Variants in DNAAF4 observed in about 807,000 individuals in gnomAD.
DNAAF4 encodes dynein assembly factor 4, axonemal.
A neutral mutation model predicts 51.8 loss-of-function variants in DNAAF4; 43 were observed. The observed-to-expected ratio is 0.83, with a 90% CI of 0.65 to 1.07. The LOEUF (loss-of-function observed/expected upper bound fraction) is 1.07, where lower values mean the gene tolerates loss of function less well. Ranked by LOEUF, DNAAF4 falls within the 50% of genes least tolerant of loss-of-function variation. The pLI, the probability that DNAAF4 is intolerant of heterozygous loss-of-function variation, is 0.00. For missense variants in DNAAF4, 581 were observed against 493.0 expected (o/e 1.18, Z -1.69); for synonymous variants, 194 against 165.6 (o/e 1.17, Z -1.32).
In DNAAF4 at chr15:55,498,543, T is replaced by C. The variant is rs2141605231; in HGVS notation, c.-214A>G. The C allele has an allele frequency of 2.0e-6, 1 of 491,276 alleles. No individual in the cohort carries two copies. The highest frequency in any genetic ancestry group is 4.2e-5 in the Admixed American group (1 of 23,924). The allele number at this position is 491,276 out of a possible 1,614,324, so 30.4% of individuals were successfully genotyped here. A position where few individuals can be genotyped will look rare whatever the true frequency, so the allele number is the denominator to read the frequency against. On this transcript the variant is annotated 5_prime_UTR_variant, in exon 2 of 10. Transcript: ENST00000321149. The stretch of plus-strand genomic sequence containing the variant: ...AGTGATGCCGATTCTTGGGGTTACC[T>C]TACGATCTGAGCGAATGTTCAAAGA...
intron 4 of DNAAF4, among the ~76,000 whole-genome samples, chr15:55,474,235 G>A (rs1435561113): frequency 6.6e-6 from 1 of 152,020 alleles, no homozygotes; most frequent in Non-Finnish European, 1.5e-5. Flanking sequence ...CAGCAAGGCA[G>A]TCACATATAA....
chr15:55,503,468 C>CA (rs1225100227), intron 1 of DNAAF4, among the ~76,000 whole-genome samples: 1 of 151,924 alleles, frequency 6.6e-6, no homozygotes, highest in African/African-American at 2.4e-5. Flanking sequence ...AGAAACACAA[C>CA]AAAAAAAGAT....
intron 4 of DNAAF4, among the ~76,000 whole-genome samples, chr15:55,480,898 G>C (rs1259359619): frequency 1.3e-5 from 2 of 152,158 alleles, no homozygotes; most frequent in African/African-American, 4.8e-5. Flanking sequence ...ATCCCCACGT[G>C]TCAAGGGTGG....
chr15:55,487,373 C>G (rs935163579), intron 4 of DNAAF4, among the ~76,000 whole-genome samples: 3 of 151,880 alleles, frequency 2.0e-5, no homozygotes, highest in African/African-American at 7.2e-5. Context: ...TGTAAACGCA[C>G]CAATCAGCAC....
Position 55,498,500 on chromosome 15 carries a change from C to T in DNAAF4, c.-171G>A, listed in dbSNP as rs923268282. The T allele has an allele frequency of 3.2e-5, 28 of 884,436 alleles. No individual in the cohort carries two copies. Among genetic ancestry groups the T allele is most frequent in the Non-Finnish European group, 4.1e-5 (25 of 609,910 alleles). 54.8% of individuals were successfully genotyped at this position (884,436 alleles called of 1,614,324 possible). ...CTCGCGGACTCCATGCGTGACTATCCAGGCGCCCAGACCAGAGAGTGATGC... is the reference window on the plus strand; with the variant it reads ...CTCGCGGACTCCATGCGTGACTATCTAGGCGCCCAGACCAGAGAGTGATGC... On this transcript the variant is annotated 5_prime_UTR_variant, in exon 2 of 10. Coordinates refer to ENST00000321149, the MANE Select transcript of DNAAF4 (RefSeq NM_130810.4).
At chr15:55,490,438 T>C (rs1403594111) in intron 4 of DNAAF4, among the ~76,000 whole-genome samples, 1 of 152,194 alleles carries the variant, frequency 6.6e-6, no homozygotes, top group East Asian at 1.9e-4. Context: ...AAAAAATATA[T>C]TGCTGATTAA....
intron 4 of DNAAF4, among the ~76,000 whole-genome samples, chr15:55,470,109 T>G (rs1175548650): frequency 2.0e-5 from 3 of 151,780 alleles, no homozygotes; most frequent in Non-Finnish European, 4.4e-5. Context: ...TGGAGTGCAG[T>G]GGCACGATCT....
chr15:55,501,079 T>G (rs1191199412), intron 1 of DNAAF4, among the ~76,000 whole-genome samples: 9 of 151,952 alleles, frequency 5.9e-5, no homozygotes, highest in South Asian at 4.1e-4. Flanking sequence ...TGTTGTTGTT[T>G]TTTCAGACGG....
intron 1 of DNAAF4, among the ~76,000 whole-genome samples, chr15:55,505,588 A>G (rs1306418270): frequency 3.9e-5 from 6 of 152,192 alleles, no homozygotes; most frequent in African/African-American, 1.4e-4. Context: ...ATGCAGCCAT[A>G]AAAAAGGAGG....
intron 4 of DNAAF4, among the ~76,000 whole-genome samples, chr15:55,486,040 G>A (rs373020874): frequency 4.7e-5 from 7 of 149,146 alleles, no homozygotes; most frequent in Admixed American, 2.7e-4. Context: ...CAAGATTAGC[G>A]AAGAGGAAAA....
intron 1 of DNAAF4, among the ~76,000 whole-genome samples, chr15:55,502,081 G>A (rs1257553339): frequency 2.0e-5 from 3 of 151,970 alleles, no homozygotes; most frequent in South Asian, 2.1e-4. Flanking sequence ...TCACCAAAAG[G>A]CATAATAAAG....
At chr15:55,442,819 T>A (rs757831084) in intron 6 of DNAAF4, 2 of 1,612,834 alleles carry the variant, frequency 1.2e-6, no homozygotes, top group Admixed American at 1.7e-5. Flanking sequence ...GATGTTGAGA[T>A]TGGCAGTCAT....
downstream of DNAAF4, among the ~76,000 whole-genome samples, chr15:55,428,491 T>C (rs866788985): frequency 0.11 from 12,674 of 111,604 alleles, 1,042 homozygotes; most frequent in African/African-American, 0.22. Flanking sequence ...TTTCTTTTTT[T>C]TTTTTTTTTT....
intron 7 of DNAAF4, among the ~76,000 whole-genome samples, chr15:55,420,428 CATT>C (rs1254056420): frequency 6.6e-6 from 1 of 151,324 alleles, no homozygotes. Flanking sequence ...AAAAAAAAAT[CATT>C]GTTATTTTCC....
At chr15:55,454,013 A>C (rs2057978937) in intron 5 of DNAAF4, among the ~76,000 whole-genome samples, 1 of 152,104 alleles carries the variant, frequency 6.6e-6, no homozygotes, top group South Asian at 2.1e-4. Context: ...AGAATACAAG[A>C]AAGTTGGCCA....
chr15:55,424,269 T>C lies in DNAAF4; in HGVS notation c.1048-6136A>G, dbSNP rs549219956. Among the ~76,000 whole-genome samples the C allele has an allele frequency of 6.6e-5, 10 of 152,366 alleles. No individual in the cohort carries two copies. The South Asian group carries it at 1.7e-3, about 25-fold the overall frequency. ...TCTTACTATGTGATACATTCTGCCA[T>C]GTTATCATATAGCAAGAAGGTCTTC... On this transcript the variant is annotated intron_variant, in intron 7 of 7. Coordinates refer to the DNAAF4 transcript ENST00000448430.
intron 1 of DNAAF4, among the ~76,000 whole-genome samples, chr15:55,502,743 G>A (rs554232602): frequency 2.0e-5 from 3 of 152,236 alleles, no homozygotes; most frequent in South Asian, 2.1e-4. Context: ...AAGACACAAC[G>A]TACCAGAATC....
chr15:55,433,949 T>TATATTTTATATAATATATTATA (rs2057557054), intron 8 of DNAAF4, among the ~76,000 whole-genome samples: 4 of 11,288 alleles, frequency 3.5e-4, no homozygotes, highest in African/African-American at 1.8e-3. Context: ...ATATATAATA[T>TATATTTTATATAATATATTATA]ATATAATATA....
chr15:55,482,176 G>A (rs563039848), intron 4 of DNAAF4, among the ~76,000 whole-genome samples: 1 of 152,128 alleles, frequency 6.6e-6, no homozygotes, highest in Admixed American at 6.6e-5. Flanking sequence ...CAAGAACTGG[G>A]ACAACTCATA....
Sources: gnomAD v4.1 joint callset for allele counts (sites outside exome capture counted in the v4.1 genomes callset) on GRCh38, gnomAD v4.1.1 for gene constraint, MANE v1.5 for transcripts, NCBI Gene and HGNC (gene_info 2026-07-23, HGNC 2026-07-21) for gene names.